CREB1: variants seen among roughly 807,000 people sequenced by gnomAD.
CREB1 encodes cyclic AMP-responsive element-binding protein 1.
Under a neutral mutation model 42.0 loss-of-function variants are expected in CREB1, and 2 were observed. That is an observed-to-expected ratio of 0.05 (90% CI 0.02 to 0.15). CREB1 has a LOEUF of 0.15. CREB1 is among the 10% of genes least tolerant of loss of function. The pLI is 1.00. For missense variants in CREB1, 199 were observed against 388.9 expected (o/e 0.51, Z 4.11); for synonymous variants, 123 against 139.9 (o/e 0.88, Z 0.85).
chr2:207,580,867 G>A (rs762393090), intron 7 of CREB1: 1 of 218,950 alleles, frequency 4.6e-6, no homozygotes, highest in Non-Finnish European at 9.2e-6. Context: ...AGAGCAGCAC[G>A]TCTTTGAGAA....
intron 7 of CREB1, among the ~76,000 whole-genome samples, chr2:207,594,631 T>A (rs1460964343): frequency 6.6e-6 from 1 of 152,204 alleles, no homozygotes; most frequent in African/African-American, 2.4e-5. Context: ...GATGGACATT[T>A]GGGCTGCTTC....
Position 207,601,689 on chromosome 2 carries a change from T to C in CREB1, c.*4631T>C. ...TTGTCCTCACAGAGACCACATGTAA[T>C]ATACTGAAATATGTTCATTTTTAAT... On this transcript the variant is annotated 3_prime_UTR_variant, in exon 8 of 8. Coordinates refer to ENST00000353267, the MANE Select transcript of CREB1 (RefSeq NM_004379.5). 1 of 213,576 alleles carries C rather than the reference T, an allele frequency of 4.7e-6. No homozygotes were observed. The highest frequency in any genetic ancestry group is 9.5e-6 in the Non-Finnish European group (1 of 105,728). 13.2% of individuals were successfully genotyped at this position (213,576 alleles called of 1,614,324 possible). A position where few individuals can be genotyped will look rare whatever the true frequency, so the allele number is the denominator to read the frequency against.
At chr2:207,538,730 T>G (rs375494608) in intron 1 of CREB1, among the ~76,000 whole-genome samples, 16 of 152,330 alleles carry the variant, frequency 1.1e-4, no homozygotes, top group Admixed American at 4.6e-4. Context: ...GAAAGTTGAC[T>G]TATACCAATG....
intron 2 of CREB1, among the ~76,000 whole-genome samples, chr2:207,557,137 CA>C (rs200543368): frequency 3.4e-4 from 48 of 139,946 alleles, no homozygotes; most frequent in Non-Finnish European, 2.8e-4. Flanking sequence ...GATTCCCTCT[CA>C]AAAAAAAAAA....
At chr2:207,547,838 A>G (rs2081352086) in intron 1 of CREB1, among the ~76,000 whole-genome samples, 1 of 152,112 alleles carries the variant, frequency 6.6e-6, no homozygotes, top group Admixed American at 6.5e-5. Flanking sequence ...TTAAGAAAGC[A>G]CTACAGCTTT....
At chr2:207,540,865 GAA>G (rs1035501083) in intron 1 of CREB1, among the ~76,000 whole-genome samples, 41 of 152,112 alleles carry the variant, frequency 2.7e-4, no homozygotes, top group African/African-American at 9.7e-4. Flanking sequence ...AAAAGCATAT[GAA>G]GTTACAGTAA....
At chr2:207,579,256 A>G (rs2082734421) in intron 7 of CREB1, among the ~76,000 whole-genome samples, 1 of 152,206 alleles carries the variant, frequency 6.6e-6, no homozygotes, top group Non-Finnish European at 1.5e-5. Flanking sequence ...TTATAAGGAA[A>G]CCTTTAACTT....
intron 2 of CREB1, among the ~76,000 whole-genome samples, chr2:207,558,231 C>CA (rs1461241459): frequency 6.6e-6 from 1 of 152,184 alleles, no homozygotes; most frequent in Non-Finnish European, 1.5e-5. Flanking sequence ...ATCTTCCCCC[C>CA]AGGCTTCACA....
chr2:207,574,431 T>C (rs2082493149), intron 5 of CREB1, among the ~76,000 whole-genome samples: 1 of 152,200 alleles, frequency 6.6e-6, no homozygotes, highest in Non-Finnish European at 1.5e-5. Flanking sequence ...CATCTAATTT[T>C]TAAATTAAAT....
intron 7 of CREB1, among the ~76,000 whole-genome samples, chr2:207,580,327 G>A (rs1379525214): frequency 1.3e-5 from 2 of 152,158 alleles, no homozygotes; most frequent in African/African-American, 4.8e-5. Context: ...GTATGCTAGG[G>A]ATGTGTAGCC....
At position 207,540,682 on chromosome 2, in the gene CREB1, A is replaced by AGT. The variant is rs1241268837; in HGVS notation, c.-9+10548_-9+10549insGT. Reference sequence around the variant, plus strand: ...AAGTTTAAAAAGTAAAAAAAAAAAAAAAAAAAAAAAAAAAAGGAAAAAACC... The same window carrying AGT: ...AAGTTTAAAAAGTAAAAAAAAAAAAAGTAAAAAAAAAAAAAAAGGAAAAAACC... On this transcript the variant is annotated intron_variant, in intron 1 of 7. Coordinates refer to ENST00000353267, the MANE Select transcript of CREB1 (RefSeq NM_004379.5). Among the ~76,000 whole-genome samples, 185 of 149,940 alleles carry AGT rather than the reference A, an allele frequency of 1.2e-3. 1 individual carries two copies. The highest frequency in any genetic ancestry group is 4.2e-3 in the African/African-American group (172 of 41,130).
Position 207,577,485 on chromosome 2 carries a change from A to G in CREB1, c.689-20A>G, listed in dbSNP as rs375941603. 11 of 1,612,948 alleles carry G rather than the reference A, an allele frequency of 6.8e-6. No individual in the cohort carries two copies. The highest frequency in any genetic ancestry group is 6.7e-5 in the African/African-American group (5 of 74,846). ...AGTTGCAATGTTTCTGTCTTACACC[A>G]TGCTCACTGTTTTTTTCAGCTGCCT... On this transcript the variant is annotated intron_variant, in intron 6 of 7. Transcript: ENST00000353267.
intron 6 of CREB1, among the ~76,000 whole-genome samples, chr2:207,575,933 T>TCC (rs1559049374): frequency 1.0e-4 from 2 of 19,460 alleles, no homozygotes; most frequent in African/African-American, 1.5e-4. Flanking sequence ...GTTTCTCTGC[T>TCC]TCCCCCCCCC....
intron 1 of CREB1, among the ~76,000 whole-genome samples, chr2:207,537,888 A>G (rs536381709): frequency 4.6e-5 from 7 of 152,282 alleles, no homozygotes; most frequent in African/African-American, 1.7e-4. Context: ...TGGGACCAGA[A>G]GTATTTCCAG....
intron 1 of CREB1, among the ~76,000 whole-genome samples, chr2:207,534,936 C>T (rs1393728881): frequency 6.6e-6 from 1 of 152,128 alleles, no homozygotes; most frequent in African/African-American, 2.4e-5. Flanking sequence ...TCATGCTTTA[C>T]CCCCACCACT....
chr2:207,577,945 G>T, intron 7 of CREB1: 2 of 381,236 alleles, frequency 5.2e-6, no homozygotes, highest in Admixed American at 4.0e-5. Flanking sequence ...AGTTAGCCAG[G>T]TTATTTAAAA....
chr2:207,554,493 G>T (rs954124440), intron 1 of CREB1, among the ~76,000 whole-genome samples: 2 of 152,134 alleles, frequency 1.3e-5, no homozygotes, highest in African/African-American at 4.8e-5. Context: ...CACATAATAT[G>T]TGAGGCACTG....
rs1269947249 is a variant in CREB1 at position 207,546,829 on chromosome 2, C to T, written c.-8-8799C>T. On this transcript the variant is annotated intron_variant, in intron 1 of 7. Coordinates refer to ENST00000353267, the MANE Select transcript of CREB1 (RefSeq NM_004379.5). ...GTCAGTTTTAAAGATTAACCATGGT[C>T]AGTTTTTAAATGTAGTCCAGTATAT... Among the ~76,000 whole-genome samples, 3 of 152,100 alleles carry T rather than the reference C, an allele frequency of 2.0e-5. No homozygotes were observed. The East Asian group carries it at 5.8e-4, about 29-fold the overall frequency.
intron 7 of CREB1, chr2:207,582,265 T>C: frequency 1.5e-6 from 1 of 663,432 alleles, no homozygotes; most frequent in Non-Finnish European, 2.7e-6. Context: ...GATATATTCT[T>C]TTCTCTTTAA....
Sources: allele counts gnomAD v4.1 joint callset (sites outside exome capture counted in the v4.1 genomes callset), GRCh38; gene constraint gnomAD v4.1.1; transcripts MANE v1.5; gene names NCBI Gene and HGNC (gene_info 2026-07-23, HGNC 2026-07-21).